BCAR3: variants seen among roughly 807,000 people sequenced by gnomAD.
The protein encoded by BCAR3 is breast cancer anti-estrogen resistance protein 3.
Under a neutral mutation model 80.1 loss-of-function variants are expected in BCAR3, and 37 were observed. The ratio of observed to expected loss-of-function variants is 0.46; its 90% CI spans 0.36 to 0.61. BCAR3 has a LOEUF of 0.61. Among genes scored for constraint, BCAR3 ranks in the 20% least tolerant of loss-of-function variants. The probability of loss-of-function intolerance (pLI) is 0.00; values close to 1 mark genes in which losing one functional copy is unlikely to be tolerated. For missense variants in BCAR3, 978 were observed against 1,068.2 expected, an observed-to-expected ratio of 0.92 and a Z score of 1.18; for synonymous variants, 389 against 418.9, an observed-to-expected ratio of 0.93 and a Z score of 0.87.
intron 3 of BCAR3, among the ~76,000 whole-genome samples, chr1:93,640,901 T>C (rs1675955459): frequency 6.6e-6 from 1 of 151,954 alleles, no homozygotes; most frequent in African/African-American, 2.4e-5. Flanking sequence ...AGGCATGGAG[T>C]GATTTTTAAA....
chr1:93,612,333 C>A (rs1003944102), intron 3 of BCAR3, among the ~76,000 whole-genome samples: 3 of 152,088 alleles, frequency 2.0e-5, no homozygotes, highest in African/African-American at 7.2e-5. Flanking sequence ...CACAGTCAAC[C>A]ACCAAGAGTG....
At chr1:93,719,334 GTTTTT>G (rs1217381018) in intron 2 of BCAR3, among the ~76,000 whole-genome samples, 2 of 73,206 alleles carry the variant, frequency 2.7e-5, no homozygotes, top group African/African-American at 5.5e-5. Context: ...AAACTTTCTT[GTTTTT>G]TTTTTTTTTT....
At chr1:93,820,496 C>T (rs1039841388) in intron 2 of BCAR3, among the ~76,000 whole-genome samples, 5 of 152,184 alleles carry the variant, frequency 3.3e-5, no homozygotes, top group Non-Finnish European at 7.3e-5. Context: ...TCTCATAACT[C>T]AGTGAAACAC....
intron 2 of BCAR3, among the ~76,000 whole-genome samples, chr1:93,843,391 T>G (rs868235195): frequency 2.2e-4 from 33 of 152,216 alleles, no homozygotes; most frequent in African/African-American, 7.2e-4. Flanking sequence ...TAGCAAATAT[T>G]TGTTACACAC....
At chr1:93,723,612 C>T (rs1371913824) in intron 2 of BCAR3, 1 of 152,238 alleles carries the variant, frequency 6.6e-6, no homozygotes, top group Admixed American at 6.5e-5. Context: ...ATTTCCACCC[C>T]CTCAATGCCT....
chr1:93,801,856 A>C (rs1342670538), intron 2 of BCAR3, among the ~76,000 whole-genome samples: 1 of 152,228 alleles, frequency 6.6e-6, no homozygotes, highest in African/African-American at 2.4e-5. Flanking sequence ...GCAGTGGCTC[A>C]TGTCTGTAAT....
chr1:93,637,095 C>CA (rs1369764159), intron 3 of BCAR3, among the ~76,000 whole-genome samples: 2 of 151,306 alleles, frequency 1.3e-5, no homozygotes, highest in African/African-American at 4.9e-5. Flanking sequence ...GCCCCTGTCT[C>CA]AAAAAACAAA....
At chr1:93,615,215 C>G (rs1675075772) in intron 3 of BCAR3, among the ~76,000 whole-genome samples, 2 of 152,058 alleles carry the variant, frequency 1.3e-5, no homozygotes, top group African/African-American at 4.8e-5. Flanking sequence ...CCAGATGAGG[C>G]ATGAGGGAGG....
intron 2 of BCAR3, among the ~76,000 whole-genome samples, chr1:93,841,777 T>G (rs961968043): frequency 1.3e-5 from 2 of 152,220 alleles, no homozygotes; most frequent in Admixed American, 6.5e-5. Flanking sequence ...CACAGAACCA[T>G]GCCTGACTTT....
At chr1:93,620,356 C>T (rs905105056) in intron 3 of BCAR3, among the ~76,000 whole-genome samples, 2 of 152,248 alleles carry the variant, frequency 1.3e-5, no homozygotes, top group African/African-American at 2.4e-5. Context: ...TCAGGATTGT[C>T]TACTCCAGAG....
intron 2 of BCAR3, chr1:93,646,710 C>T (rs1239847603): frequency 6.6e-6 from 1 of 151,872 alleles, no homozygotes; most frequent in African/African-American, 2.4e-5. Flanking sequence ...CAGCCCAAGA[C>T]AGAATAATCT....
chr1:93,801,747 G>A (rs1443320156), intron 2 of BCAR3, among the ~76,000 whole-genome samples: 1 of 152,134 alleles, frequency 6.6e-6, no homozygotes, highest in East Asian at 1.9e-4. Flanking sequence ...ATCATTTGAG[G>A]CCAAGAGTTA....
chr1:93,692,656 G>A (rs1649236826), intron 3 of BCAR3, among the ~76,000 whole-genome samples: 1 of 152,216 alleles, frequency 6.6e-6, no homozygotes, highest in Non-Finnish European at 1.5e-5. Context: ...AGTTCACAGA[G>A]CTGGGATGTG....
At chr1:93,643,063 A>G (rs1352661076) in intron 2 of BCAR3, among the ~76,000 whole-genome samples, 2 of 151,962 alleles carry the variant, frequency 1.3e-5, no homozygotes, top group African/African-American at 4.8e-5. Flanking sequence ...CCCCGTCTCT[A>G]CTAAAAATAC....
rs1652740993 is a variant in BCAR3 at position 93,780,922 on chromosome 1, C to A, written c.-63+64645G>T. Among the ~76,000 whole-genome samples the A allele has an allele frequency of 2.0e-5, 3 of 152,224 alleles. No individual in the cohort carries two copies. The South Asian group carries it at 6.2e-4, about 31-fold the overall frequency. On this transcript the variant is annotated intron_variant, in intron 2 of 13. Coordinates refer to the BCAR3 transcript ENST00000370244. ...TGTCCTGATTCCCCCTATGATTCTG[C>A]AATGATTTGGCTCATTGTTCAGAAA...
chr1:93,600,083 A>G (rs1674572725), intron 3 of BCAR3, among the ~76,000 whole-genome samples: 1 of 152,226 alleles, frequency 6.6e-6, no homozygotes, highest in Non-Finnish European at 1.5e-5. Flanking sequence ...CATGACAGCC[A>G]CAGTCTCTTT....
At position 93,697,847 on chromosome 1, in the gene BCAR3, G is replaced by A. The variant is rs530894683; in HGVS notation, c.-12+8245C>T. On this transcript the variant is annotated intron_variant, in intron 3 of 13. Coordinates refer to the BCAR3 transcript ENST00000370244. ...CACAAAATTAGCCAGGCATGGTGGC[G>A]CATGCCTGTAATCCCAGCTACTCGG... 2.6e-4 allele frequency among the ~76,000 whole-genome samples: 39 copies of A among 152,166 alleles called. 1 individual carries two copies. Among genetic ancestry groups the A allele is most frequent in the African/African-American group, 7.9e-4 (33 of 41,520 alleles).
intron 2 of BCAR3, among the ~76,000 whole-genome samples, chr1:93,774,118 A>C (rs1301698766): frequency 6.6e-6 from 1 of 152,206 alleles, no homozygotes; most frequent in Non-Finnish European, 1.5e-5. Context: ...GAGTAACTCC[A>C]AAATATACTC....
At chr1:93,784,409 G>A (rs975127566) in intron 2 of BCAR3, among the ~76,000 whole-genome samples, 3 of 152,128 alleles carry the variant, frequency 2.0e-5, no homozygotes, top group African/African-American at 7.2e-5. Context: ...CTAATTTGGT[G>A]GCAGAGACTA....
Sources: allele counts gnomAD v4.1 joint callset (sites outside exome capture counted in the v4.1 genomes callset), GRCh38; gene constraint gnomAD v4.1.1; transcripts MANE v1.5; gene names NCBI Gene and HGNC (gene_info 2026-07-23, HGNC 2026-07-21).